Variants in REC114 observed in about 807,000 individuals in gnomAD.
REC114 encodes the protein meiotic recombination protein REC114.
Under a neutral mutation model 31.3 loss-of-function variants are expected in REC114, and 27 were observed. That is an observed-to-expected ratio of 0.86 (90% CI 0.64 to 1.19). The LOEUF (loss-of-function observed/expected upper bound fraction) is 1.19. REC114 is among the 50% of genes most tolerant of loss of function. The pLI is 0.00. For missense variants in REC114, 344 were observed against 326.9 expected, an observed-to-expected ratio of 1.05 and a Z score of -0.40; for synonymous variants, 134 against 127.7, an observed-to-expected ratio of 1.05 and a Z score of -0.33.
At chr15:73,505,203 A>G (rs1172607573) in intron 2 of REC114, among the ~76,000 whole-genome samples, 2 of 152,186 alleles carry the variant, frequency 1.3e-5, no homozygotes, top group Admixed American at 6.5e-5. Context: ...GCAACCTTAG[A>G]TTCACTATGT....
At chr15:73,475,616 T>G (rs976313928) in intron 2 of REC114, among the ~76,000 whole-genome samples, 1 of 152,232 alleles carries the variant, frequency 6.6e-6, no homozygotes, top group Non-Finnish European at 1.5e-5. Context: ...TTTTTTAAAA[T>G]TTTTTTGAAG....
At chr15:73,494,490 T>C (rs1323540186) in intron 2 of REC114, among the ~76,000 whole-genome samples, 1 of 129,122 alleles carries the variant, frequency 7.7e-6, no homozygotes, top group Non-Finnish European at 1.6e-5. Flanking sequence ...AGACCCTGTC[T>C]CAAAAAAAAA....
intron 2 of REC114, among the ~76,000 whole-genome samples, chr15:73,528,256 A>C (rs1303572600): frequency 6.6e-6 from 1 of 152,196 alleles, no homozygotes; most frequent in African/African-American, 2.4e-5. Flanking sequence ...TGAATGAAAA[A>C]ATTTAAAAAT....
intron 1 of REC114, among the ~76,000 whole-genome samples, chr15:73,447,135 A>G (rs556333340): frequency 6.6e-6 from 1 of 152,256 alleles, no homozygotes; most frequent in East Asian, 1.9e-4. Context: ...AAGAATGGGA[A>G]ACACTGGAGG....
intron 1 of REC114, among the ~76,000 whole-genome samples, chr15:73,465,239 A>T (rs1233137471): frequency 6.6e-6 from 1 of 152,124 alleles, no homozygotes; most frequent in Non-Finnish European, 1.5e-5. Flanking sequence ...TGGCATTTGG[A>T]TTGGATTTGG....
chr15:73,448,309 G>T (rs1041342624), intron 1 of REC114, among the ~76,000 whole-genome samples: 3 of 137,142 alleles, frequency 2.2e-5, no homozygotes, highest in African/African-American at 5.3e-5. Flanking sequence ...GTATCTTGGT[G>T]GGGGGAAGGG....
At chr15:73,462,340 T>C (rs1228552390) in intron 1 of REC114, among the ~76,000 whole-genome samples, 3 of 152,082 alleles carry the variant, frequency 2.0e-5, no homozygotes, top group African/African-American at 4.8e-5. Context: ...AATTTTTTTT[T>C]CTCAGATACC....
intron 2 of REC114, among the ~76,000 whole-genome samples, chr15:73,515,621 A>C (rs553476717): frequency 1.3e-5 from 2 of 152,230 alleles, no homozygotes; most frequent in Admixed American, 1.3e-4. Flanking sequence ...TAGTGCTTTT[A>C]TAAGAACAGG....
At chr15:73,527,889 G>GA (rs1002137910) in intron 2 of REC114, among the ~76,000 whole-genome samples, 1 of 151,814 alleles carries the variant, frequency 6.6e-6, no homozygotes, top group African/African-American at 2.4e-5. Flanking sequence ...ATACGGGGGG[G>GA]AAAAAAAGGC....
At chr15:73,445,184 G>C (rs1892748847) in intron 1 of REC114, among the ~76,000 whole-genome samples, 1 of 152,104 alleles carries the variant, frequency 6.6e-6, no homozygotes, top group Non-Finnish European at 1.5e-5. Context: ...GTCACCAGTG[G>C]GATTAGCCCC....
intron 1 of REC114, among the ~76,000 whole-genome samples, chr15:73,460,746 A>C (rs1242272713): frequency 6.6e-6 from 1 of 152,162 alleles, no homozygotes; most frequent in East Asian, 1.9e-4. Context: ...ATGTGGGAGA[A>C]ATGTTGTGGG....
At chr15:73,474,077 C>T (rs1207140212) in intron 2 of REC114, among the ~76,000 whole-genome samples, 156 bp downstream of exon 2, 2 of 152,172 alleles carry the variant, frequency 1.3e-5, no homozygotes, top group African/African-American at 4.8e-5. Context: ...GTGGGAAATA[C>T]AGAAACGTAC....
chr15:73,450,989 T>A (rs541750754), intron 1 of REC114, among the ~76,000 whole-genome samples: 3 of 152,278 alleles, frequency 2.0e-5, no homozygotes, highest in South Asian at 2.1e-4. Flanking sequence ...TAAAGCAGTG[T>A]GTAGAGGGAA....
intron 2 of REC114, among the ~76,000 whole-genome samples, chr15:73,511,962 G>A (rs1474081595): frequency 5.9e-5 from 7 of 118,626 alleles, no homozygotes; most frequent in Non-Finnish European, 1.0e-4. Flanking sequence ...TATTAGGTCC[G>A]CTTGGTGCAG....
intron 2 of REC114, among the ~76,000 whole-genome samples, chr15:73,502,406 A>G (rs1238374578): frequency 3.3e-5 from 5 of 152,108 alleles, no homozygotes; most frequent in Non-Finnish European, 5.9e-5. Flanking sequence ...CTGAAACGTA[A>G]CTAATAGCCT....
chr15:73,495,343 A>T (rs1893504957), intron 2 of REC114, among the ~76,000 whole-genome samples: 1 of 152,118 alleles, frequency 6.6e-6, no homozygotes, highest in South Asian at 2.1e-4. Flanking sequence ...TTCGAAAAAA[A>T]AGTACCTCTT....
At chr15:73,451,001 T>C (rs2151250945) in intron 1 of REC114, among the ~76,000 whole-genome samples, 1 of 152,272 alleles carries the variant, frequency 6.6e-6, no homozygotes, top group Admixed American at 6.5e-5. Context: ...TAGAGGGAAA[T>C]TTATAGTACT....
chr15:73,470,231 T>A (rs1893116065), intron 1 of REC114, among the ~76,000 whole-genome samples: 1 of 152,194 alleles, frequency 6.6e-6, no homozygotes. Flanking sequence ...TGATCTTGCC[T>A]TTCGTTTGGA....
At chr15:73,552,270 A>G (rs1894403611) in intron 4 of REC114, among the ~76,000 whole-genome samples, 1 of 152,154 alleles carries the variant, frequency 6.6e-6, no homozygotes, top group Admixed American at 6.5e-5. Context: ...CTCCATCTAT[A>G]ATTTGTGTGA....
Sources: gnomAD v4.1 joint callset for allele counts (sites outside exome capture counted in the v4.1 genomes callset) on GRCh38, gnomAD v4.1.1 for gene constraint, MANE v1.5 for transcripts, NCBI Gene and HGNC (gene_info 2026-07-23, HGNC 2026-07-21) for gene names.